Variants in ATG16L1 observed in about 807,000 individuals in gnomAD.
ATG16L1 encodes autophagy related 16 like 1.
In ATG16L1, 37 loss-of-function variants were observed where a neutral mutation model predicts 88.5. The observed-to-expected ratio is 0.42, with a 90% CI of 0.32 to 0.55. The LOEUF (loss-of-function observed/expected upper bound fraction) is 0.55, where lower values mean the gene tolerates loss of function less well. ATG16L1 is among the 20% of genes least tolerant of loss of function. The pLI, the probability that ATG16L1 is intolerant of heterozygous loss-of-function variation, is 0.13. For missense variants in ATG16L1, 554 were observed against 752.8 expected, an observed-to-expected ratio of 0.74 and a Z score of 3.09; for synonymous variants, 301 against 281.0, an observed-to-expected ratio of 1.07 and a Z score of -0.71.
chr2:233,262,920 G>C (rs772788546), intron 2 of ATG16L1, among the ~76,000 whole-genome samples: 2 of 152,166 alleles, frequency 1.3e-5, no homozygotes, highest in Non-Finnish European at 2.9e-5. Context: ...GGTCACAGTT[G>C]CTTTGCTTTT....
intron 1 of ATG16L1, among the ~76,000 whole-genome samples, chr2:233,252,556 TA>T (rs1222871430): frequency 6.6e-6 from 1 of 151,844 alleles, no homozygotes; most frequent in African/African-American, 2.4e-5. Flanking sequence ...CTAATTTTTT[TA>T]AAAAAAAATT....
intron 5 of ATG16L1, among the ~76,000 whole-genome samples, chr2:233,267,948 C>CT (rs1697725142): frequency 6.6e-6 from 1 of 152,210 alleles, no homozygotes; most frequent in Non-Finnish European, 1.5e-5. Flanking sequence ...GTCTTCATTA[C>CT]TTTGCTTAGG....
rs1559414090 is a variant in ATG16L1 at position 233,290,358 on chromosome 2, G to T, written c.1430+5G>T. The T allele has an allele frequency of 6.2e-7, 1 of 1,609,368 alleles. No homozygotes were observed. Among genetic ancestry groups the T allele is most frequent in the Admixed American group, 1.7e-5 (1 of 60,026 alleles). ...AATTCGTTTCTGGGACATTCGGTAT[G>T]ATACCCAAGCTCCTGACTGGAGGCA... On this transcript the variant is annotated splice_donor_5th_base_variant and intron_variant, in intron 14 of 17. Transcript: ENST00000392017.
At chr2:233,276,529 C>G (rs1698384331) in intron 9 of ATG16L1, among the ~76,000 whole-genome samples, 1 of 152,328 alleles carries the variant, frequency 6.6e-6, no homozygotes, top group South Asian at 2.1e-4. Context: ...GGCGGGAGTA[C>G]AGTAGCACAA....
At position 233,280,125 on chromosome 2, in the gene ATG16L1, A is replaced by G. The variant is rs555462224; in HGVS notation, c.1061-980A>G. Among the ~76,000 whole-genome samples, 37 of 152,346 alleles carry G rather than the reference A, an allele frequency of 2.4e-4. No individual in the cohort carries two copies. The South Asian group carries it at 7.7e-3, about 32-fold the overall frequency. On this transcript the variant is annotated intron_variant, in intron 10 of 17. Transcript: ENST00000392017. ...ACCAGGTTAACAGTCTGTGGCCTGAATGTACATGACAGCTTCAAACCAGTA... is the reference window on the plus strand; with the variant it reads ...ACCAGGTTAACAGTCTGTGGCCTGAGTGTACATGACAGCTTCAAACCAGTA...
intron 12 of ATG16L1, among the ~76,000 whole-genome samples, chr2:233,283,599 G>C (rs1431317313): frequency 6.6e-6 from 1 of 151,108 alleles, no homozygotes; most frequent in Non-Finnish European, 1.5e-5. Context: ...GCTCTTGTGT[G>C]GGGTACAGTA....
At chr2:233,291,677 G>A (rs537390277) in intron 14 of ATG16L1, among the ~76,000 whole-genome samples, 1 of 152,326 alleles carries the variant, frequency 6.6e-6, no homozygotes, top group African/African-American at 2.4e-5. Flanking sequence ...CATATCTGGA[G>A]GTGGAGGGCC....
At chr2:233,261,638 G>A (rs1278577693) in intron 2 of ATG16L1, among the ~76,000 whole-genome samples, 1 of 151,310 alleles carries the variant, frequency 6.6e-6, no homozygotes, top group Middle Eastern at 3.4e-3. Context: ...ATATGGAGGG[G>A]GCAGTTCTTT....
intron 5 of ATG16L1, among the ~76,000 whole-genome samples, chr2:233,268,002 C>T (rs1202315002): frequency 1.3e-5 from 2 of 152,206 alleles, no homozygotes; most frequent in Non-Finnish European, 2.9e-5. Flanking sequence ...TACCCACTTC[C>T]TGCCTCCCCA....
chr2:233,279,729 T>C (rs1175431962), intron 10 of ATG16L1, among the ~76,000 whole-genome samples: 3 of 152,332 alleles, frequency 2.0e-5, no homozygotes, highest in South Asian at 2.1e-4. Context: ...CTGGGAATTA[T>C]ACAAATGCTG....
intron 12 of ATG16L1, among the ~76,000 whole-genome samples, chr2:233,288,355 C>A (rs901468176): frequency 6.6e-6 from 1 of 152,196 alleles, no homozygotes; most frequent in East Asian, 1.9e-4. Flanking sequence ...GATCTGGGCT[C>A]CTTGCAGCCT....
intron 8 of ATG16L1, chr2:233,274,227 T>C (rs1028503075): frequency 8.5e-6 from 5 of 588,102 alleles, no homozygotes; most frequent in Non-Finnish European, 1.2e-5. Context: ...ACAGTACTCA[T>C]GCTCTTGTTG....
intron 10 of ATG16L1, among the ~76,000 whole-genome samples, chr2:233,280,622 C>T (rs1375971810): frequency 6.6e-6 from 1 of 152,210 alleles, no homozygotes; most frequent in Non-Finnish European, 1.5e-5. Flanking sequence ...AATTTCTTTT[C>T]ACACCTTAAT....
chr2:233,271,831 C>T (rs1461695623), intron 6 of ATG16L1, among the ~76,000 whole-genome samples: 1 of 152,204 alleles, frequency 6.6e-6, no homozygotes, highest in Non-Finnish European at 1.5e-5. Flanking sequence ...CTCTCGCAAA[C>T]CTAGATCCCT....
At chr2:233,292,602 C>T (rs1174105640) in intron 16 of ATG16L1, among the ~76,000 whole-genome samples, 168 bp downstream of exon 16, 2 of 152,248 alleles carry the variant, frequency 1.3e-5, no homozygotes, top group Non-Finnish European at 2.9e-5. Flanking sequence ...CTCTTCCTTT[C>T]CAGTGTTCCT....
chr2:233,262,259 C>T (rs1178797002), intron 2 of ATG16L1, among the ~76,000 whole-genome samples: 1 of 152,200 alleles, frequency 6.6e-6, no homozygotes, highest in Non-Finnish European at 1.5e-5. Context: ...CCACCCTGGT[C>T]TGAGCCGCAC....
intron 6 of ATG16L1, 23 bp from the exon 7 acceptor site, chr2:233,272,939 CAAAG>C: frequency 6.3e-7 from 1 of 1,587,286 alleles, no homozygotes; most frequent in Non-Finnish European, 8.7e-7. Flanking sequence ...TCAGGAGAAT[CAAAG>C]AATGTCTTGC....
intron 2 of ATG16L1, among the ~76,000 whole-genome samples, chr2:233,257,555 A>C (rs1276068183): frequency 6.6e-6 from 1 of 152,234 alleles, no homozygotes; most frequent in Non-Finnish European, 1.5e-5. Flanking sequence ...GGTGAGATGT[A>C]TTGAATGTAT....
At chr2:233,283,295 A>G (rs1222948016) in intron 12 of ATG16L1, among the ~76,000 whole-genome samples, 1 of 152,134 alleles carries the variant, frequency 6.6e-6, no homozygotes, top group East Asian at 1.9e-4. Flanking sequence ...ACTTGGTTGT[A>G]TCATTTTTGA....
Sources: gnomAD v4.1 joint callset for allele counts (sites outside exome capture counted in the v4.1 genomes callset) on GRCh38, gnomAD v4.1.1 for gene constraint, MANE v1.5 for transcripts, NCBI Gene and HGNC (gene_info 2026-07-23, HGNC 2026-07-21) for gene names.